ESRRB: variants seen among roughly 807,000 people sequenced by gnomAD.
ESRRB encodes estrogen related receptor beta.
ESRRB carries 16 observed loss-of-function variants against 46.0 expected under a neutral mutation model. That is an observed-to-expected ratio of 0.35 (90% CI 0.24 to 0.53). The LOEUF is 0.53. Ranked by LOEUF, ESRRB falls within the 20% of genes least tolerant of loss-of-function variation. ESRRB has a pLI of 0.93. For synonymous variants in ESRRB, 246 were observed against 259.6 expected (o/e 0.95, Z 0.50); for missense variants, 488 against 607.4 (o/e 0.80, Z 2.07).
intron 1 of ESRRB, among the ~76,000 whole-genome samples, chr14:76,327,540 T>C (rs1883949979): frequency 6.6e-6 from 1 of 152,164 alleles, no homozygotes; most frequent in African/African-American, 2.4e-5. Flanking sequence ...CGCTCTCTCC[T>C]GTCTTCCCTT....
At chr14:76,484,658 G>C (rs1566612079) in intron 5 of ESRRB, among the ~76,000 whole-genome samples, 1 of 152,184 alleles carries the variant, frequency 6.6e-6, no homozygotes, top group Non-Finnish European at 1.5e-5. Flanking sequence ...AGGAGACCCT[G>C]TCTCCCCTGC....
chr14:76,391,033 G>A (rs988752696), intron 1 of ESRRB, among the ~76,000 whole-genome samples: 4 of 152,342 alleles, frequency 2.6e-5, no homozygotes, highest in Non-Finnish European at 5.9e-5. Flanking sequence ...TGGGCTGTGC[G>A]GTCATGCCCA....
At position 76,482,777 on chromosome 14, in the gene ESRRB, G is replaced by C; in HGVS notation, c.850+18G>C. On this transcript the variant is annotated intron_variant, in intron 5 of 6. Transcript: ENST00000644823. This position sits in a 1 kb window ranked among gnomAD's most constrained non-coding sequence, Gnocchi z 4.3. ...CATCCCAGGTGAGCATGTGGGACCA[G>C]GGGAGAGTGTGGCCAGGGACTCTCA... is the stretch of plus-strand genomic sequence containing the variant. 6.2e-7 allele frequency: 1 copy of C among 1,613,542 alleles called. No individual in the cohort carries two copies. Among genetic ancestry groups the C allele is most frequent in the Non-Finnish European group, 8.5e-7 (1 of 1,179,930 alleles).
At chr14:76,352,011 C>CAAAAAAAAAAAAAAAAAAAAAAA in intron 1 of ESRRB, among the ~76,000 whole-genome samples, 1 of 109,052 alleles carries the variant, frequency 9.2e-6, no homozygotes, top group South Asian at 2.9e-4. Context: ...AAAAAAAAAG[C>CAAAAAAAAAAAAAAAAAAAAAAA]AAACTCCAAG....
intron 1 of ESRRB, among the ~76,000 whole-genome samples, chr14:76,350,574 T>C (rs753939877): frequency 2.6e-5 from 4 of 151,936 alleles, no homozygotes; most frequent in Non-Finnish European, 5.9e-5. Context: ...ACTCCCCAGT[T>C]TTCAGATTTG....
chr14:76,364,415 G>A (rs1276414593), intron 1 of ESRRB, among the ~76,000 whole-genome samples: 2 of 152,096 alleles, frequency 1.3e-5, no homozygotes, highest in East Asian at 1.9e-4. Context: ...GGGGCCAGGC[G>A]CAGTGGCTCA....
intron 1 of ESRRB, among the ~76,000 whole-genome samples, chr14:76,341,479 C>T (rs1041910799): frequency 6.6e-6 from 1 of 152,222 alleles, no homozygotes; most frequent in African/African-American, 2.4e-5. Flanking sequence ...AACTCTTGTC[C>T]CCAGGCCCTG....
chr14:76,367,215 G>A (rs1449468869), upstream of ESRRB, among the ~76,000 whole-genome samples: 2 of 152,032 alleles, frequency 1.3e-5, no homozygotes, highest in Non-Finnish European at 2.9e-5. Context: ...TCCAGCCTCA[G>A]AGGCTTAGCA....
At chr14:76,387,020 A>C (rs1885259512) in intron 1 of ESRRB, among the ~76,000 whole-genome samples, 1 of 152,014 alleles carries the variant, frequency 6.6e-6, no homozygotes, top group Non-Finnish European at 1.5e-5. Context: ...CCCTTGCCCC[A>C]CCCTGGAGGC....
Position 76,384,365 on chromosome 14 carries a change from C to T in ESRRB, c.50+7914C>T, listed in dbSNP as rs568263561. Among the ~76,000 whole-genome samples the T allele has an allele frequency of 7.9e-5, 12 of 152,240 alleles. No homozygotes were observed. The South Asian group carries it at 2.5e-3, about 32-fold the overall frequency. On this transcript the variant is annotated intron_variant, in intron 1 of 6. Coordinates refer to ENST00000644823, the MANE Select transcript of ESRRB (RefSeq NM_001379180.1). ...AAAAAGCGCAAAGCAATTCTCGTAACCATTTTTCTCATAGTAGCTGGATGA... is the reference window on the plus strand; with the variant it reads ...AAAAAGCGCAAAGCAATTCTCGTAATCATTTTTCTCATAGTAGCTGGATGA...
At chr14:76,310,927 C>T (rs531711860) in intron 1 of ESRRB, 1 of 454,084 alleles carries the variant, frequency 2.2e-6, no homozygotes, top group East Asian at 7.0e-5. Flanking sequence ...GTGAGTAACC[C>T]AACTTCTCCC....
Position 76,456,038 on chromosome 14 carries a change from GCACACACA to G in ESRRB, c.461-6474_461-6467del, listed in dbSNP as rs60824171. 2.8e-3 allele frequency among the ~76,000 whole-genome samples: 382 copies of G among 137,268 alleles called. 2 individuals carry two copies. Among genetic ancestry groups the G allele is most frequent in the African/African-American group, 8.5e-3 (316 of 37,072 alleles). The allele number at this position is 137,268 out of a possible 152,430, so 90.1% of individuals were successfully genotyped here. On this transcript the variant is annotated intron_variant, in intron 2 of 6. Transcript: ENST00000644823. ...AGCCTGGGCAACAAGAGCGAAACTC[GCACACACA>G]CACACACACACACACACACACACAC...
upstream of ESRRB, among the ~76,000 whole-genome samples, chr14:76,374,877 A>G (rs1226657021): frequency 6.6e-6 from 1 of 152,090 alleles, no homozygotes; most frequent in Non-Finnish European, 1.5e-5. Flanking sequence ...AACCTGCACG[A>G]GCACATTTAT....
At chr14:76,329,049 G>A (rs1474946265) in intron 1 of ESRRB, among the ~76,000 whole-genome samples, 1 of 152,156 alleles carries the variant, frequency 6.6e-6, no homozygotes, top group Non-Finnish European at 1.5e-5. Flanking sequence ...TTATGGGAGT[G>A]GGAGGGTAAG....
chr14:76,322,833 C>T (rs1020808163), intron 1 of ESRRB, among the ~76,000 whole-genome samples: 5 of 152,170 alleles, frequency 3.3e-5, no homozygotes, highest in Non-Finnish European at 5.9e-5. Context: ...CCACGCAATC[C>T]GCCCACCTTG....
At chr14:76,479,085 C>T (rs1025760602) in intron 3 of ESRRB, among the ~76,000 whole-genome samples, 1 of 152,218 alleles carries the variant, frequency 6.6e-6, no homozygotes, top group East Asian at 1.9e-4. Context: ...TCTGATTCCT[C>T]TGTGGCCAGG....
intron 2 of ESRRB, among the ~76,000 whole-genome samples, chr14:76,452,410 T>C (rs1888420969): frequency 6.6e-6 from 1 of 151,730 alleles, no homozygotes; most frequent in Non-Finnish European, 1.5e-5. Flanking sequence ...GTAGATTACT[T>C]GAGGTCAGGA....
chr14:76,321,917 T>C (rs1432845377), intron 1 of ESRRB, among the ~76,000 whole-genome samples: 1 of 151,928 alleles, frequency 6.6e-6, no homozygotes, highest in East Asian at 1.9e-4. Context: ...CTTCCCATTA[T>C]ACAAAAGAGG....
At chr14:76,352,857 C>T (rs989381200) in intron 1 of ESRRB, among the ~76,000 whole-genome samples, 1 of 152,252 alleles carries the variant, frequency 6.6e-6, no homozygotes, top group Non-Finnish European at 1.5e-5. Context: ...CCTCCGCCCC[C>T]ACGCGCACAC....
Sources: allele counts gnomAD v4.1 joint callset (sites outside exome capture counted in the v4.1 genomes callset), GRCh38; gene constraint gnomAD v4.1.1; non-coding constraint Gnocchi (gnomAD v3.1); transcripts MANE v1.5; gene names NCBI Gene and HGNC (gene_info 2026-07-23, HGNC 2026-07-21).